Variants in FBXW7 observed in about 807,000 individuals in gnomAD.
FBXW7 encodes the protein F-box and WD repeat domain containing 7, also known as F-box/WD repeat-containing protein 7.
A neutral mutation model predicts 86.3 loss-of-function variants in FBXW7; 11 were observed. The ratio of observed to expected loss-of-function variants is 0.13; its 90% CI spans 0.08 to 0.21. FBXW7 has a LOEUF of 0.21. FBXW7 is among the 10% of genes least tolerant of loss of function. FBXW7 has a pLI of 1.00. For synonymous variants in FBXW7, 313 were observed against 297.9 expected, an observed-to-expected ratio of 1.05 and a Z score of -0.52; for missense variants, 488 against 847.4, an observed-to-expected ratio of 0.58 and a Z score of 5.27.
chr4:152,527,909 TAC>T (rs1488764682), intron 2 of FBXW7, among the ~76,000 whole-genome samples: 1 of 149,230 alleles, frequency 6.7e-6, no homozygotes, highest in South Asian at 2.1e-4. Context: ...CACATATATA[TAC>T]ACACACACAT....
intron 2 of FBXW7, among the ~76,000 whole-genome samples, chr4:152,515,913 G>C (rs1439417605): frequency 6.6e-6 from 1 of 151,946 alleles, no homozygotes; most frequent in African/African-American, 2.4e-5. Flanking sequence ...TAATAACTTG[G>C]CCACATGGCA....
At chr4:152,521,240 T>C (rs547520290) in intron 2 of FBXW7, among the ~76,000 whole-genome samples, 53 of 152,192 alleles carry the variant, frequency 3.5e-4, no homozygotes, top group Non-Finnish European at 6.0e-4. Context: ...ATACTGTGGG[T>C]AACCAGTGGA....
intron 4 of FBXW7, among the ~76,000 whole-genome samples, chr4:152,399,944 G>A (rs1368345016): frequency 3.3e-5 from 5 of 152,020 alleles, no homozygotes; most frequent in Non-Finnish European, 4.4e-5. Context: ...AGATATCAAC[G>A]AACTGATTCT....
At chr4:152,332,458 G>T in intron 8 of FBXW7, 138 bp downstream of exon 8, 2 of 771,568 alleles carry the variant, frequency 2.6e-6, no homozygotes, top group African/African-American at 3.6e-5. Context: ...GTTAAGATTC[G>T]GCTCATCTGA....
At chr4:152,438,760 C>T (rs149940484) in intron 2 of FBXW7, among the ~76,000 whole-genome samples, 1 of 152,260 alleles carries the variant, frequency 6.6e-6, no homozygotes, top group East Asian at 1.9e-4. Context: ...TACTCCATCA[C>T]CCAGTACTAC....
In FBXW7 at chr4:152,347,088, AAGAG is replaced by A. The variant is rs769442079; in HGVS notation, c.585-21_585-18del. On this transcript the variant is annotated intron_variant, in intron 5 of 13. Transcript: ENST00000281708. Reference sequence around the variant, plus strand: ...CCAGTGGTACTACAAAAAAAAAAAAAAGAGAGAGAGAAAGGATAAAAGGAAAAAA... The same window carrying A: ...CCAGTGGTACTACAAAAAAAAAAAAAAGAGAGAAAGGATAAAAGGAAAAAA... The A allele has an allele frequency of 2.6e-5, 40 of 1,558,454 alleles. No homozygotes were observed. Among genetic ancestry groups the A allele is most frequent in the Admixed American group, 1.2e-4 (6 of 50,502 alleles).
chr4:152,513,871 C>T (rs1030131556), intron 2 of FBXW7, among the ~76,000 whole-genome samples: 1 of 152,140 alleles, frequency 6.6e-6, no homozygotes, highest in African/African-American at 2.4e-5. Flanking sequence ...CTAAAAAGTT[C>T]ATAATCTACA....
At chr4:152,346,483 C>T (rs1010293287) in intron 6 of FBXW7, among the ~76,000 whole-genome samples, 2 of 152,148 alleles carry the variant, frequency 1.3e-5, no homozygotes, top group Admixed American at 6.5e-5. Context: ...TTATGACATT[C>T]AAAAATTGAG....
chr4:152,518,390 C>T (rs191161302), intron 2 of FBXW7, among the ~76,000 whole-genome samples: 110 of 152,048 alleles, frequency 7.2e-4, no homozygotes, highest in Non-Finnish European at 4.4e-4. Context: ...TGAACTACTA[C>T]GCTCAAAACC....
At chr4:152,337,690 T>C in intron 7 of FBXW7, 112 bp downstream of exon 7, 1 of 1,142,828 alleles carries the variant, frequency 8.8e-7, no homozygotes, top group South Asian at 1.6e-5. Flanking sequence ...ATTAAGAGTG[T>C]CAAACTGACA....
chr4:152,382,370 C>T (rs772088549), intron 4 of FBXW7: 1 of 1,470,994 alleles, frequency 6.8e-7, no homozygotes, highest in East Asian at 2.5e-5. Context: ...ATACTCTCTA[C>T]ATGTAATACA....
chr4:152,327,948 C>CA (rs1560761055), intron 11 of FBXW7, among the ~76,000 whole-genome samples: 1 of 151,710 alleles, frequency 6.6e-6, no homozygotes, highest in African/African-American at 2.4e-5. Flanking sequence ...TACAGAACAA[C>CA]AAAAAGGATT....
At chr4:152,451,018 A>G (rs1367735916) in intron 2 of FBXW7, among the ~76,000 whole-genome samples, 1 of 152,206 alleles carries the variant, frequency 6.6e-6, no homozygotes, top group Non-Finnish European at 1.5e-5. Context: ...CTTCCACATC[A>G]GCTAATTTGA....
chr4:152,374,456 C>T (rs932266878), intron 4 of FBXW7, among the ~76,000 whole-genome samples: 4 of 152,020 alleles, frequency 2.6e-5, no homozygotes, highest in African/African-American at 9.7e-5. Flanking sequence ...TTCAAAATCA[C>T]AGCTGCACAG....
chr4:152,326,235 C>A lies in FBXW7; in HGVS notation c.1419-4G>T, dbSNP rs2126498026. On this transcript the variant is annotated splice_region_variant and splice_polypyrimidine_tract_variant and intron_variant, in intron 11 of 13. Coordinates refer to ENST00000281708, the MANE Select transcript of FBXW7 (RefSeq NM_001349798.2). ...ATCTCGAGAACCGCTAACAACTCTG[C>A]AGAGGGAGAAACAGAAAAACAAAAC... 6.2e-7 allele frequency: 1 copy of A among 1,608,224 alleles called. No individual in the cohort carries two copies. Among genetic ancestry groups the A allele is most frequent in the Non-Finnish European group, 8.5e-7 (1 of 1,176,292 alleles).
chr4:152,419,269 A>G (rs1738725266), intron 2 of FBXW7, among the ~76,000 whole-genome samples: 2 of 152,158 alleles, frequency 1.3e-5, no homozygotes, highest in Admixed American at 6.5e-5. Context: ...TAGTTACTTA[A>G]GCAAAATGTA....
At chr4:152,363,585 A>C (rs1254666201) in intron 4 of FBXW7, among the ~76,000 whole-genome samples, 1 of 152,226 alleles carries the variant, frequency 6.6e-6, no homozygotes, top group East Asian at 1.9e-4. Context: ...AACTGACCTG[A>C]ATGCTCTTTC....
At chr4:152,455,960 T>TATAC (rs2149619726) in intron 2 of FBXW7, among the ~76,000 whole-genome samples, 1 of 152,268 alleles carries the variant, frequency 6.6e-6, no homozygotes, top group African/African-American at 2.4e-5. Flanking sequence ...AGGTAACATA[T>TATAC]ATACAGCTTT....
At chr4:152,365,148 C>T (rs1453003438) in intron 4 of FBXW7, among the ~76,000 whole-genome samples, 1 of 152,036 alleles carries the variant, frequency 6.6e-6, no homozygotes, top group Non-Finnish European at 1.5e-5. Context: ...AATGACTGAG[C>T]TAGGTTCGGA....
Sources: gnomAD v4.1 joint callset for allele counts (sites outside exome capture counted in the v4.1 genomes callset) on GRCh38, gnomAD v4.1.1 for gene constraint, MANE v1.5 for transcripts, NCBI Gene and HGNC (gene_info 2026-07-23, HGNC 2026-07-21) for gene names.